The following SERPINB12 variants were observed in gnomAD, a reference collection of about 807,000 sequenced individuals.
The protein encoded by SERPINB12 is serpin family B member 12, also known as serpin B12.
In SERPINB12, 57 loss-of-function variants were observed where a neutral mutation model predicts 41.1. That is an observed-to-expected ratio of 1.39 (90% CI 1.12 to 1.73). SERPINB12 has a LOEUF of 1.73. Among genes scored for constraint, SERPINB12 ranks in the 40% most tolerant of loss-of-function variants. The probability of loss-of-function intolerance (pLI) is 0.00; values close to 1 mark genes in which losing one functional copy is unlikely to be tolerated. For missense variants in SERPINB12, 536 were observed against 501.9 expected (o/e 1.07, Z -0.65); for synonymous variants, 180 against 181.3 (o/e 0.99, Z 0.06).
chr18:63,536,026 T>A, the SERPINB12 span, among the ~76,000 whole-genome samples: 2 of 152,000 alleles, frequency 1.3e-5, no homozygotes, highest in African/African-American at 4.8e-5. Context: ...TCAGAACATA[T>A]AAATATTGTA....
At chr18:63,548,135 CTAAT>C (rs1353438428) in intron 1 of SERPINB12, among the ~76,000 whole-genome samples, 1 of 151,938 alleles carries the variant, frequency 6.6e-6, no homozygotes, top group Non-Finnish European at 1.5e-5. Flanking sequence ...ACAGTGGTGA[CTAAT>C]TAACTCTTTA....
chr18:63,528,532 G>T, the SERPINB12 span, among the ~76,000 whole-genome samples: 2 of 152,082 alleles, frequency 1.3e-5, no homozygotes, highest in South Asian at 4.2e-4. Flanking sequence ...CTACCATATG[G>T]AATGTTCATT....
intron 1 of SERPINB12, among the ~76,000 whole-genome samples, chr18:63,554,192 G>A (rs78262469): frequency 0.035 from 5,271 of 152,228 alleles, 306 homozygotes; most frequent in East Asian, 0.29. Context: ...ATCATCAGTT[G>A]AGGGGCAACT....
At chr18:63,533,260 G>A in the SERPINB12 span, among the ~76,000 whole-genome samples, 2 of 152,192 alleles carry the variant, frequency 1.3e-5, no homozygotes, top group South Asian at 2.1e-4. Context: ...ACAGGCATGA[G>A]CCACCACGCC....
At chr18:63,531,329 C>A in the SERPINB12 span, among the ~76,000 whole-genome samples, 1 of 152,216 alleles carries the variant, frequency 6.6e-6, no homozygotes, top group Admixed American at 6.5e-5. Context: ...CAGGGAAGTA[C>A]AAGAAACGTC....
intron 6 of SERPINB12, among the ~76,000 whole-genome samples, chr18:63,564,736 G>C (rs926554936): frequency 6.6e-6 from 1 of 152,174 alleles, no homozygotes; most frequent in Non-Finnish European, 1.5e-5. Flanking sequence ...CTGTGGTGGG[G>C]TCATCCAGGC....
chr18:63,552,251 A>C lies in SERPINB12; in HGVS notation c.-18-3891A>C, dbSNP rs150929263. Among the ~76,000 whole-genome samples the C allele has an allele frequency of 1.7e-3, 254 of 152,348 alleles. 1 individual carries two copies. The highest frequency in any genetic ancestry group is 5.6e-3 in the African/African-American group (232 of 41,576). ...CGACAAATGTAAGTTTCAAGCTTTA[A>C]GACCAGGAGGGTCAATTTCTATGTT... is the stretch of plus-strand genomic sequence containing the variant. On this transcript the variant is annotated intron_variant, in intron 1 of 7. Transcript: ENST00000382768.
the SERPINB12 span, among the ~76,000 whole-genome samples, chr18:63,528,368 A>G: frequency 8.0e-5 from 12 of 150,382 alleles, no homozygotes; most frequent in Non-Finnish European, 1.8e-4. Flanking sequence ...TGAGAATCCC[A>G]TTTCATTTCT....
chr18:63,568,366 G>A lies in SERPINB12; in HGVS notation c.*1355G>A, dbSNP rs1911184155. ...ACTGCACTCCAGCCTGGGTGACAGA[G>A]CGAAACCCTGTCTCAAAAAACAAAC... On this transcript the variant is annotated 3_prime_UTR_variant, in exon 8 of 8. Coordinates refer to ENST00000382768, the MANE Select transcript of SERPINB12 (RefSeq NM_001307928.2). Among the ~76,000 whole-genome samples, 1 of 152,128 alleles carries A rather than the reference G, an allele frequency of 6.6e-6. No homozygotes were observed. The highest frequency in any genetic ancestry group is 6.5e-5 in the Admixed American group (1 of 15,276).
intron 3 of SERPINB12, among the ~76,000 whole-genome samples, chr18:63,559,040 T>TTCTTTC (rs1555675614): frequency 0.019 from 523 of 27,750 alleles, 10 homozygotes; most frequent in Middle Eastern, 0.1. Context: ...CTTTCTTTCT[T>TTCTTTC]TCTTTCTTTC....
intron 5 of SERPINB12, 112 bp downstream of exon 5, chr18:63,561,314 G>A (rs1258683367): frequency 3.0e-6 from 2 of 664,874 alleles, no homozygotes; most frequent in East Asian, 2.7e-5. Flanking sequence ...TCACATATGT[G>A]GACTGTGTTC....
chr18:63,560,092 T>C (rs1402754700), intron 4 of SERPINB12, among the ~76,000 whole-genome samples: 3 of 152,178 alleles, frequency 2.0e-5, no homozygotes, highest in African/African-American at 7.2e-5. Context: ...CCCCAAGACA[T>C]TTCTGTGGAA....
chr18:63,538,064 C>T (rs1163469716), upstream of SERPINB12, among the ~76,000 whole-genome samples: 3 of 152,062 alleles, frequency 2.0e-5, no homozygotes, highest in Admixed American at 1.3e-4. Context: ...TGAATGACAA[C>T]TGAGTGTAAA....
At chr18:63,539,939 C>T (rs1051069845), upstream of SERPINB12, among the ~76,000 whole-genome samples, 6 of 152,052 alleles carry the variant, frequency 3.9e-5, no homozygotes, top group Non-Finnish European at 8.8e-5. Flanking sequence ...ACACTTAGTA[C>T]GTGGACATAG....
At chr18:63,549,002 G>A (rs1910455914) in intron 1 of SERPINB12, among the ~76,000 whole-genome samples, 1 of 151,910 alleles carries the variant, frequency 6.6e-6, no homozygotes, top group Non-Finnish European at 1.5e-5. Context: ...AATAAAAACT[G>A]GGAAGCTAAT....
chr18:63,566,332 AC>A (rs1173670671), intron 7 of SERPINB12, among the ~76,000 whole-genome samples: 2 of 152,232 alleles, frequency 1.3e-5, no homozygotes, highest in Non-Finnish European at 2.9e-5. Context: ...GGGCTTGGCC[AC>A]AGAACTCAAC....
rs866249201 is a variant in SERPINB12 at position 63,566,814 on chromosome 18, TTG to T, written c.1083_1084del (p.Leu361PhefsTer13). The T allele has an allele frequency of 1.9e-6, 3 of 1,613,996 alleles. No homozygotes were observed. Among genetic ancestry groups the T allele is most frequent in the African/African-American group, 2.7e-5 (2 of 74,912 alleles). The part of the protein sequence containing the change: ...TGISPSPNLY[L>X]SKIIHKTFVE... The stretch of plus-strand genomic sequence containing the variant: ...AATCTCTCCAAGTCCCAATTTGTAC[TTG>T]TCAAAAATTATCCACAAAACCTTTG... On this transcript the variant is annotated frameshift_variant, in exon 8 of 8. Coordinates refer to ENST00000382768, the MANE Select transcript of SERPINB12 (RefSeq NM_001307928.2). LOFTEE classifies it high-confidence loss of function.
At chr18:63,563,718 G>T (rs1054394904) in intron 5 of SERPINB12, among the ~76,000 whole-genome samples, 1 of 152,060 alleles carries the variant, frequency 6.6e-6, no homozygotes, top group Non-Finnish European at 1.5e-5. Flanking sequence ...CCAACATGGC[G>T]AAACCCCTTC....
In SERPINB12 at chr18:63,556,428, C is replaced by T. The variant is rs948471688; in HGVS notation, c.168+101C>T. On this transcript the variant is annotated intron_variant, in intron 2 of 7. Coordinates refer to ENST00000382768, the MANE Select transcript of SERPINB12 (RefSeq NM_001307928.2). ...AGGCAAGCCAAGGGGCTTATTGCAC[C>T]CTGGGCTTGGTCAGAACCCATCCCT... 2.9e-5 allele frequency: 32 copies of T among 1,110,284 alleles called. No homozygotes were observed. The African/African-American group carries it at 3.9e-4, about 13-fold the overall frequency. The allele number at this position is 1,110,284 out of a possible 1,614,324, so 68.8% of individuals were successfully genotyped here.
Sources: gnomAD v4.1 joint callset for allele counts (sites outside exome capture counted in the v4.1 genomes callset) on GRCh38, gnomAD v4.1.1 for gene constraint, MANE v1.5 for transcripts, NCBI Gene and HGNC (gene_info 2026-07-23, HGNC 2026-07-21) for gene names.